The following DSTYK variants were observed in gnomAD, a reference collection of about 807,000 sequenced individuals.
DSTYK encodes the protein dual serine/threonine and tyrosine protein kinase.
DSTYK carries 34 observed loss-of-function variants against 98.7 expected under a neutral mutation model. The ratio of observed to expected loss-of-function variants is 0.34; its 90% CI spans 0.26 to 0.46. DSTYK has a LOEUF of 0.46. DSTYK is among the 20% of genes least tolerant of loss of function. DSTYK has a pLI of 1.00. For synonymous variants in DSTYK, 462 were observed against 457.3 expected, an observed-to-expected ratio of 1.01 and a Z score of -0.13; for missense variants, 962 against 1,181.7, an observed-to-expected ratio of 0.81 and a Z score of 2.73.
intron 1 of DSTYK, among the ~76,000 whole-genome samples, chr1:205,193,870 CAAAA>C (rs61391440): frequency 4.1e-5 from 4 of 98,068 alleles, no homozygotes; most frequent in Admixed American, 1.0e-4. Flanking sequence ...GACTCCGTCT[CAAAA>C]AAAAAAAAAA....
At chr1:205,183,983 T>A (rs1210512662) in intron 2 of DSTYK, among the ~76,000 whole-genome samples, 1 of 151,978 alleles carries the variant, frequency 6.6e-6, no homozygotes, top group African/African-American at 2.4e-5. Context: ...ACAAACCACA[T>A]GAAACAACAT....
chr1:205,204,321 T>C (rs1425198386), intron 1 of DSTYK, among the ~76,000 whole-genome samples: 1 of 152,102 alleles, frequency 6.6e-6, no homozygotes, highest in Non-Finnish European at 1.5e-5. Flanking sequence ...AGAAGCAGAA[T>C]TGGACTGGGA....
At chr1:205,202,988 G>C (rs867170240) in intron 1 of DSTYK, among the ~76,000 whole-genome samples, 2 of 152,090 alleles carry the variant, frequency 1.3e-5, no homozygotes, top group African/African-American at 4.8e-5. Context: ...ACAGAGAACA[G>C]AAGCATGGAG....
At chr1:205,184,028 G>C (rs1658496100) in intron 2 of DSTYK, among the ~76,000 whole-genome samples, 1 of 152,120 alleles carries the variant, frequency 6.6e-6, no homozygotes, top group African/African-American at 2.4e-5. Context: ...AAAGAGAAGA[G>C]AGAATATATT....
At chr1:205,148,444 C>A in intron 11 of DSTYK, 105 bp from the exon 12 acceptor site, 1 of 1,392,376 alleles carries the variant, frequency 7.2e-7, no homozygotes, top group South Asian at 1.3e-5. Context: ...AAGCTTTTAA[C>A]AACTATTATC....
At position 205,211,374 on chromosome 1, in the gene DSTYK, G is replaced by A. The variant is rs139108584; in HGVS notation, c.162C>T (p.Asp54=). ...AAGTGTGGTTGTGGGAGCACTTGAT[G>A]TCGCGGAAGAACTTCTGGGTCTCGC... The part of the protein sequence containing the change: ...NLRETQKFFR[D]IKCSHNHTCL... The change falls in exon 1 of 13, where the codon GAC becomes GAT. Residue 54 remains aspartate (D), a synonymous_variant. Coordinates refer to ENST00000367162, the MANE Select transcript of DSTYK (RefSeq NM_015375.3). 3.1e-6 allele frequency: 5 copies of A among 1,612,564 alleles called. No individual in the cohort carries two copies. The highest frequency in any genetic ancestry group is 4.2e-6 in the Non-Finnish European group (5 of 1,179,560).
At chr1:205,160,300 G>C in intron 7 of DSTYK, 30 bp from the exon 8 acceptor site, 1 of 1,587,658 alleles carries the variant, frequency 6.3e-7, no homozygotes, top group Non-Finnish European at 8.6e-7. Flanking sequence ...AGATAAGGCA[G>C]GAGGAATGGG....
rs570087476 is a variant in DSTYK, at chr1:205,159,416, A to G, written c.2238+131T>C. 8 of 1,182,850 alleles carry G rather than the reference A, an allele frequency of 6.8e-6. No homozygotes were observed. In the African/African-American group the frequency reaches 1.2e-4, roughly 18 times the overall value. 73.3% of individuals were successfully genotyped at this position (1,182,850 alleles called of 1,614,324 possible). A position where few individuals can be genotyped will look rare whatever the true frequency, so the allele number is the denominator to read the frequency against. ...GAAATCTTTAAGGGTTTTTGGAAATAAGTGAAATAAACCCTAATTACTCCA... is the reference window on the plus strand; with the variant it reads ...GAAATCTTTAAGGGTTTTTGGAAATGAGTGAAATAAACCCTAATTACTCCA... On this transcript the variant is annotated intron_variant, in intron 9 of 12. Transcript: ENST00000367162.
At chr1:205,202,014 T>G (rs1402984404) in intron 1 of DSTYK, among the ~76,000 whole-genome samples, 2 of 150,038 alleles carry the variant, frequency 1.3e-5, no homozygotes, top group Non-Finnish European at 3.0e-5. Context: ...GAGCCAAGAT[T>G]GCACCACTGC....
At chr1:205,209,642 CTGAA>C (rs1210115759) in intron 1 of DSTYK, among the ~76,000 whole-genome samples, 5 of 52,850 alleles carry the variant, frequency 9.5e-5, no homozygotes, top group Admixed American at 2.6e-4. Flanking sequence ...ACTAGTTTTT[CTGAA>C]ACTACTAGTT....
At chr1:205,186,739 T>C (rs558630934) in intron 2 of DSTYK, among the ~76,000 whole-genome samples, 1 of 152,364 alleles carries the variant, frequency 6.6e-6, no homozygotes, top group African/African-American at 2.4e-5. Context: ...TCCTAAGTGA[T>C]AATGTATAAA....
At chr1:205,149,544 T>C (rs1159098613) in intron 11 of DSTYK, among the ~76,000 whole-genome samples, 1 of 152,202 alleles carries the variant, frequency 6.6e-6, no homozygotes, top group African/African-American at 2.4e-5. Context: ...ATTTTGTTCA[T>C]TCTTCCTCTG....
chr1:205,161,949 A>C, intron 6 of DSTYK, 87 bp downstream of exon 6: 1 of 1,300,940 alleles, frequency 7.7e-7, no homozygotes, highest in Non-Finnish European at 1.1e-6. Context: ...CACATATTAT[A>C]TATGAAGAGC....
intron 1 of DSTYK, among the ~76,000 whole-genome samples, chr1:205,193,253 G>A (rs1444320442): frequency 6.6e-6 from 1 of 152,146 alleles, no homozygotes. Flanking sequence ...AGAGAAGATG[G>A]GAGGGAGGAA....
intron 1 of DSTYK, among the ~76,000 whole-genome samples, chr1:205,206,861 C>T (rs1170022499): frequency 6.6e-6 from 1 of 152,260 alleles, no homozygotes; most frequent in Non-Finnish European, 1.5e-5. Context: ...AGCCACCGCT[C>T]CCGGCCCAGG....
chr1:205,190,656 C>T (rs1322939860), intron 1 of DSTYK, among the ~76,000 whole-genome samples: 1 of 149,836 alleles, frequency 6.7e-6, no homozygotes, highest in East Asian at 2.0e-4. Flanking sequence ...TAGGACCCTT[C>T]CATTCATCTT....
intron 1 of DSTYK, among the ~76,000 whole-genome samples, chr1:205,207,755 CAAAAAAAAAAAAAAAAAAAAAAAAAAAA>C (rs766036213): frequency 2.5e-4 from 13 of 52,728 alleles, no homozygotes; most frequent in African/African-American, 9.4e-4. Flanking sequence ...GACTCTGTCT[CAAAAAAAAAAAAAAAAAAAAAAAAAAAA>C]AAAAAAAAAA....
chr1:205,160,130 C>T lies in DSTYK; in HGVS notation c.2089G>A (p.Glu697Lys). The change falls in exon 8 of 13, where the codon GAA (glutamate) becomes AAA (lysine). Residue 697 changes from glutamate to lysine, a missense_variant. Transcript: ENST00000367162. ...DEKHWNDLAL[E>K]FHYMRSLPKH... ...AGGACCCACCTCATATAGTGAAATTCCAAAGCCAGATCATTCCAGTGCTTC... is the reference window on the plus strand; with the variant it reads ...AGGACCCACCTCATATAGTGAAATTTCAAAGCCAGATCATTCCAGTGCTTC... 1 of 1,614,170 alleles carries T rather than the reference C, an allele frequency of 6.2e-7. No homozygotes were observed. The highest frequency in any genetic ancestry group is 8.5e-7 in the Non-Finnish European group (1 of 1,180,014).
At chr1:205,204,088 G>T (rs1347410223) in intron 1 of DSTYK, among the ~76,000 whole-genome samples, 1 of 152,114 alleles carries the variant, frequency 6.6e-6, no homozygotes, top group African/African-American at 2.4e-5. Flanking sequence ...AGCAACAAGG[G>T]GCCTGATGCC....
Sources: gnomAD v4.1 joint callset for allele counts (sites outside exome capture counted in the v4.1 genomes callset) on GRCh38, gnomAD v4.1.1 for gene constraint, MANE v1.5 for transcripts, NCBI Gene and HGNC (gene_info 2026-07-23, HGNC 2026-07-21) for gene names.